Variants in SLC24A2 observed in about 807,000 individuals in gnomAD.
The protein encoded by SLC24A2 is solute carrier family 24 member 2, also known as sodium/potassium/calcium exchanger 2.
In SLC24A2, 36 loss-of-function variants were observed where a neutral mutation model predicts 62.0. The observed-to-expected ratio is 0.58, with a 90% confidence interval of 0.44 to 0.77. SLC24A2 has a LOEUF of 0.77. Among genes scored for constraint, SLC24A2 ranks in the 30% least tolerant of loss-of-function variants. The pLI, the probability that SLC24A2 is intolerant of heterozygous loss-of-function variation, is 0.00. For synonymous variants in SLC24A2, 358 were observed against 294.0 expected (o/e 1.22, Z -2.23); for missense variants, 846 against 817.9 (o/e 1.03, Z -0.42).
At chr9:19,976,137 G>A in the SLC24A2 span, among the ~76,000 whole-genome samples, 1 of 152,090 alleles carries the variant, frequency 6.6e-6, no homozygotes, top group Non-Finnish European at 1.5e-5. Context: ...TCCTGCCTCA[G>A]CCTCCCAAAG....
chr9:20,091,557 G>C, the SLC24A2 span, among the ~76,000 whole-genome samples: 1 of 150,848 alleles, frequency 6.6e-6, no homozygotes, highest in East Asian at 1.9e-4. Context: ...CAAAATTCTT[G>C]AAGGAAAAAA....
At chr9:19,689,351 T>G (rs993304724) in intron 2 of SLC24A2, among the ~76,000 whole-genome samples, 2 of 152,186 alleles carry the variant, frequency 1.3e-5, no homozygotes, top group Non-Finnish European at 2.9e-5. Flanking sequence ...ATATTCTTAG[T>G]TAACTCAATT....
At chr9:20,234,550 G>A in the SLC24A2 span, among the ~76,000 whole-genome samples, 1 of 152,118 alleles carries the variant, frequency 6.6e-6, no homozygotes, top group South Asian at 2.1e-4. Context: ...TCATCACGTA[G>A]CTCTCGTGCC....
the SLC24A2 span, among the ~76,000 whole-genome samples, chr9:19,832,814 T>C: frequency 2.3e-4 from 35 of 152,004 alleles, no homozygotes; most frequent in Non-Finnish European, 3.8e-4. Context: ...ACCTACAGAA[T>C]GGGAGAAAAT....
chr9:19,860,438 G>A, the SLC24A2 span, among the ~76,000 whole-genome samples: 1 of 152,072 alleles, frequency 6.6e-6, no homozygotes, highest in Non-Finnish European at 1.5e-5. Flanking sequence ...AACCAGCAGT[G>A]ATACTCAAGT....
upstream of SLC24A2, among the ~76,000 whole-genome samples, chr9:19,789,142 C>T (rs1208271673): frequency 6.6e-6 from 1 of 152,224 alleles, no homozygotes; most frequent in Non-Finnish European, 1.5e-5. Context: ...GCAGCGCGCT[C>T]AGCTCCCGAG....
chr9:20,015,868 C>A, the SLC24A2 span, among the ~76,000 whole-genome samples: 1 of 152,172 alleles, frequency 6.6e-6, no homozygotes, highest in Non-Finnish European at 1.5e-5. Flanking sequence ...TCCAAGGCAA[C>A]AGGAAATGTC....
At chr9:19,708,014 T>G (rs1268422641) in intron 2 of SLC24A2, among the ~76,000 whole-genome samples, 3 of 152,198 alleles carry the variant, frequency 2.0e-5, no homozygotes, top group African/African-American at 7.2e-5. Context: ...CCCCATTGTC[T>G]CAGCCCTAAA....
At chr9:19,893,949 C>G in the SLC24A2 span, among the ~76,000 whole-genome samples, 13 of 152,302 alleles carry the variant, frequency 8.5e-5, no homozygotes, top group African/African-American at 3.1e-4. Flanking sequence ...AAGAGAATTT[C>G]CACTTCTCTT....
the SLC24A2 span, among the ~76,000 whole-genome samples, chr9:20,072,333 T>G: frequency 5.4e-4 from 82 of 152,144 alleles, 1 homozygote; most frequent in African/African-American, 1.9e-3. Context: ...ACAAGCAGAT[T>G]AGAGTCTTGC....
At chr9:19,978,684 C>G in the SLC24A2 span, among the ~76,000 whole-genome samples, 1 of 151,958 alleles carries the variant, frequency 6.6e-6, no homozygotes, top group African/African-American at 2.4e-5. Flanking sequence ...AGGCAGATAT[C>G]CATATCTAAT....
At chr9:19,622,023 T>C (rs1002059191) in intron 3 of SLC24A2, among the ~76,000 whole-genome samples, 10 of 152,160 alleles carry the variant, frequency 6.6e-5, no homozygotes, top group African/African-American at 2.4e-4. Flanking sequence ...TCATACCAAA[T>C]GGAAGAGAAA....
chr9:20,274,504 G>T, the SLC24A2 span, among the ~76,000 whole-genome samples: 1 of 152,060 alleles, frequency 6.6e-6, no homozygotes, highest in South Asian at 2.1e-4. Flanking sequence ...AGGTGCAAGG[G>T]AAAAAGAGGA....
the SLC24A2 span, among the ~76,000 whole-genome samples, chr9:20,194,605 T>C: frequency 1.3e-5 from 2 of 152,168 alleles, no homozygotes; most frequent in African/African-American, 4.8e-5. Context: ...CAGGTAGCTT[T>C]ATCCTAAGAA....
chr9:19,550,248 G>A lies in SLC24A2; in HGVS notation c.1368C>T (p.Asp456=), dbSNP rs765052036. The part of the protein sequence containing the change: ...AEAQTADEEE[D]QPLSLAWPSE... ...AAGGCCAGGCAAGGCTGAGAGGCTG[G>A]TCCTCCTCCTCATCAGCGGTCTGTG... Residue 456 remains aspartate (D), a synonymous_variant, in exon 8 of 11, where the codon GAC becomes GAT. Coordinates refer to ENST00000341998, the MANE Select transcript of SLC24A2 (RefSeq NM_020344.4). 10 of 1,614,024 alleles carry A rather than the reference G, an allele frequency of 6.2e-6. No homozygotes were observed. Among genetic ancestry groups the A allele is most frequent in the Non-Finnish European group, 7.6e-6 (9 of 1,180,006 alleles).
chr9:19,843,757 C>T, the SLC24A2 span, among the ~76,000 whole-genome samples: 6 of 152,130 alleles, frequency 3.9e-5, no homozygotes, highest in African/African-American at 1.4e-4. Context: ...CTCTCACTTA[C>T]AAGTGAGAGC....
At chr9:20,138,205 G>C in the SLC24A2 span, among the ~76,000 whole-genome samples, 1 of 152,114 alleles carries the variant, frequency 6.6e-6, no homozygotes, top group Admixed American at 6.5e-5. Flanking sequence ...GTAAAACTAG[G>C]CTTCATTTAG....
At chr9:20,136,381 C>T in the SLC24A2 span, among the ~76,000 whole-genome samples, 2 of 151,976 alleles carry the variant, frequency 1.3e-5, no homozygotes, top group South Asian at 4.2e-4. Flanking sequence ...AGGAACATGC[C>T]CAGAAGAAAG....
intron 7 of SLC24A2, 84 bp from the exon 8 acceptor site, chr9:19,550,352 G>C (rs1040640880): frequency 7.9e-6 from 11 of 1,390,818 alleles, no homozygotes; most frequent in Admixed American, 1.7e-5. Context: ...GAACAAAGGG[G>C]AAGCTCCATG....
Sources: allele counts gnomAD v4.1 joint callset (sites outside exome capture counted in the v4.1 genomes callset), GRCh38; gene constraint gnomAD v4.1.1; transcripts MANE v1.5; gene names NCBI Gene and HGNC (gene_info 2026-07-23, HGNC 2026-07-21).